The following PTPRD variants were observed in gnomAD, a reference collection of about 807,000 sequenced individuals.
PTPRD encodes protein tyrosine phosphatase receptor type D, also known as receptor-type tyrosine-protein phosphatase delta.
PTPRD carries 34 observed loss-of-function variants against 214.5 expected under a neutral mutation model. The observed-to-expected ratio is 0.16, with a 90% CI of 0.12 to 0.21. The LOEUF (loss-of-function observed/expected upper bound fraction) is 0.21, where lower values mean the gene tolerates loss of function less well. Ranked by LOEUF, PTPRD falls within the 10% of genes least tolerant of loss-of-function variation. PTPRD has a pLI of 1.00. For missense variants in PTPRD, 2,545 were observed against 2,398.7 expected (o/e 1.06, Z -1.27); for synonymous variants, 1,128 against 845.7 (o/e 1.33, Z -5.79).
rs141299497 is a variant in PTPRD at position 8,932,109 on chromosome 9, G to A, written c.-104+86588C>T. On this transcript the variant is annotated intron_variant, in intron 11 of 45. Transcript: ENST00000381196. Reference sequence around the variant, plus strand: ...TTTTGTTAATCTTTTCAGAAAACCCGCTCCTGGATTCGTTGATTTTTTGAA... The same window carrying A: ...TTTTGTTAATCTTTTCAGAAAACCCACTCCTGGATTCGTTGATTTTTTGAA... 2.4e-3 allele frequency among the ~76,000 whole-genome samples: 359 copies of A among 152,142 alleles called. 2 individuals carry two copies. Among genetic ancestry groups the A allele is most frequent in the South Asian group, 8.9e-3 (43 of 4,816 alleles).
intron 5 of PTPRD, among the ~76,000 whole-genome samples, chr9:9,775,768 C>A (rs1370026726): frequency 6.6e-5 from 10 of 151,942 alleles, no homozygotes; most frequent in African/African-American, 1.7e-4. Flanking sequence ...ACGGTGAAAC[C>A]CAGTCTCTAC....
intron 9 of PTPRD, among the ~76,000 whole-genome samples, chr9:9,206,605 A>C (rs2099945017): frequency 1.3e-5 from 2 of 152,234 alleles, no homozygotes; most frequent in African/African-American, 4.8e-5. Context: ...GCTGCCAGCC[A>C]GTGTGGCTAG....
chr9:8,447,368 C>T (rs2095772531), intron 34 of PTPRD, among the ~76,000 whole-genome samples: 1 of 152,160 alleles, frequency 6.6e-6, no homozygotes, highest in South Asian at 2.1e-4. Flanking sequence ...ATTGGTGATA[C>T]AAGAGATGTT....
rs149395599 is a variant in PTPRD at position 8,506,336 on chromosome 9, T to G, written c.1677+965A>C. Among the ~76,000 whole-genome samples, 268 of 152,320 alleles carry G rather than the reference T, an allele frequency of 1.8e-3. 1 individual carries two copies. The highest frequency in any genetic ancestry group is 6.0e-3 in the African/African-American group (249 of 41,578). On this transcript the variant is annotated intron_variant, in intron 22 of 45. Transcript: ENST00000381196. ...AACACAGTGCCATTAACTCCTTTTG[T>G]CCTAATGTTCCCCATTGGATTTAAC... is the stretch of plus-strand genomic sequence containing the variant.
At chr9:9,814,392 TC>T (rs2048098024) in intron 5 of PTPRD, among the ~76,000 whole-genome samples, 2 of 143,786 alleles carry the variant, frequency 1.4e-5, no homozygotes, top group Non-Finnish European at 3.1e-5. Flanking sequence ...GATAAAACCC[TC>T]AACCCCCCAC....
intron 8 of PTPRD, among the ~76,000 whole-genome samples, chr9:9,499,823 G>A (rs1426476936): frequency 6.6e-6 from 1 of 151,984 alleles, no homozygotes; most frequent in Admixed American, 6.6e-5. Flanking sequence ...ATTTGACACT[G>A]TCTCATAAAT....
chr9:10,510,310 C>T lies in PTPRD; in HGVS notation c.-600+102088G>A, dbSNP rs74996687. On this transcript the variant is annotated intron_variant, in intron 2 of 45. Coordinates refer to ENST00000381196, the MANE Select transcript of PTPRD (RefSeq NM_002839.4). ...CCCTCGACAATCTGATTGATCTTTA[C>T]AATTCACATACACAAATTTCACTTT... 2.8e-3 allele frequency among the ~76,000 whole-genome samples: 430 copies of T among 152,172 alleles called. 1 individual carries two copies. Among genetic ancestry groups the T allele is most frequent in the African/African-American group, 0.01 (417 of 41,540 alleles).
intron 2 of PTPRD, among the ~76,000 whole-genome samples, chr9:10,428,146 C>G (rs1250530560): frequency 2.6e-5 from 4 of 151,868 alleles, no homozygotes; most frequent in East Asian, 1.9e-4. Context: ...GAAACCCCAT[C>G]TCTACTAAAA....
At chr9:9,347,887 G>A (rs552458260) in intron 9 of PTPRD, among the ~76,000 whole-genome samples, 2 of 152,160 alleles carry the variant, frequency 1.3e-5, no homozygotes, top group African/African-American at 4.8e-5. Flanking sequence ...CATTACCACT[G>A]CCATTAAAAG....
chr9:10,009,502 C>T (rs966763540), intron 4 of PTPRD, among the ~76,000 whole-genome samples: 3 of 151,866 alleles, frequency 2.0e-5, no homozygotes, highest in Non-Finnish European at 2.9e-5. Flanking sequence ...TATCTATACA[C>T]CTAGAAGCAA....
chr9:9,238,100 A>T (rs1009648641), intron 9 of PTPRD, among the ~76,000 whole-genome samples: 2 of 152,092 alleles, frequency 1.3e-5, no homozygotes, highest in African/African-American at 4.8e-5. Flanking sequence ...AAGGGACCTG[A>T]AGGAGACATC....
chr9:10,210,902 T>C (rs2099514191), intron 3 of PTPRD, among the ~76,000 whole-genome samples: 1 of 148,604 alleles, frequency 6.7e-6, no homozygotes, highest in Non-Finnish European at 1.5e-5. Context: ...GGTTTGCAAG[T>C]TCAGAGCTGA....
intron 10 of PTPRD, among the ~76,000 whole-genome samples, chr9:9,064,210 A>G (rs1183283497): frequency 3.3e-5 from 5 of 152,154 alleles, no homozygotes; most frequent in African/African-American, 9.7e-5. Context: ...TTCAACATGT[A>G]TATTGTTTGT....
At chr9:8,987,130 T>G (rs1158738317) in intron 11 of PTPRD, among the ~76,000 whole-genome samples, 3 of 152,068 alleles carry the variant, frequency 2.0e-5, no homozygotes, top group Non-Finnish European at 4.4e-5. Flanking sequence ...AAGCTTGAAG[T>G]GTATTCCCCA....
intron 30 of PTPRD, among the ~76,000 whole-genome samples, chr9:8,472,506 G>C (rs2096673380): frequency 6.6e-6 from 1 of 152,184 alleles, no homozygotes; most frequent in South Asian, 2.1e-4. Context: ...AGAGTCTAGA[G>C]CAGAGCTGTT....
intron 2 of PTPRD, among the ~76,000 whole-genome samples, chr9:10,434,658 A>C (rs998483115): frequency 6.6e-6 from 1 of 151,944 alleles, no homozygotes; most frequent in African/African-American, 2.4e-5. Flanking sequence ...GATTGTTTGA[A>C]AACAGCAGGA....
chr9:10,486,276 T>C (rs1033295857), intron 2 of PTPRD, among the ~76,000 whole-genome samples: 1 of 152,214 alleles, frequency 6.6e-6, no homozygotes, highest in African/African-American at 2.4e-5. Context: ...TCCTGAATTG[T>C]ATTTCCTAGG....
chr9:9,517,332 A>C (rs16929647), intron 8 of PTPRD, among the ~76,000 whole-genome samples: 13,652 of 152,118 alleles, frequency 0.09, 671 homozygotes, highest in South Asian at 0.15. Flanking sequence ...AGTGATGACT[A>C]ATTTGAAATT....
chr9:9,074,441 G>T (rs1174232426), intron 10 of PTPRD, among the ~76,000 whole-genome samples: 6 of 152,070 alleles, frequency 3.9e-5, no homozygotes, highest in Non-Finnish European at 2.9e-5. Context: ...AGCAGTCAGG[G>T]TTGACACTGG....
Sources: allele counts gnomAD v4.1 joint callset (sites outside exome capture counted in the v4.1 genomes callset), GRCh38; gene constraint gnomAD v4.1.1; transcripts MANE v1.5; gene names NCBI Gene and HGNC (gene_info 2026-07-23, HGNC 2026-07-21).